BMPER: variants seen among roughly 807,000 people sequenced by gnomAD.
The protein encoded by BMPER is BMP-binding endothelial regulator protein.
In BMPER, 45 loss-of-function variants were observed where a neutral mutation model predicts 87.3. The observed-to-expected ratio is 0.52, with a 90% CI of 0.41 to 0.66. The LOEUF (loss-of-function observed/expected upper bound fraction) is 0.66, where lower values mean the gene tolerates loss of function less well. Among genes scored for constraint, BMPER ranks in the 30% least tolerant of loss-of-function variants. The probability of loss-of-function intolerance (pLI) is 0.00; values close to 1 mark genes in which losing one functional copy is unlikely to be tolerated. For synonymous variants in BMPER, 326 were observed against 316.2 expected (o/e 1.03, Z -0.33); for missense variants, 784 against 867.5 (o/e 0.90, Z 1.21).
chr7:33,960,412 T>C (rs1785239286), intron 3 of BMPER, among the ~76,000 whole-genome samples: 1 of 152,064 alleles, frequency 6.6e-6, no homozygotes, highest in Admixed American at 6.5e-5. Context: ...TTAAAAAAAT[T>C]GTATTGGGCT....
At chr7:34,070,476 TC>T (rs1237171264) in intron 11 of BMPER, among the ~76,000 whole-genome samples, 6 of 152,174 alleles carry the variant, frequency 3.9e-5, no homozygotes, top group African/African-American at 1.4e-4. Flanking sequence ...AGCCGGACAC[TC>T]ATCCTATTGC....
At chr7:34,019,276 C>T (rs1175276195) in intron 6 of BMPER, among the ~76,000 whole-genome samples, 1 of 151,912 alleles carries the variant, frequency 6.6e-6, no homozygotes, top group Non-Finnish European at 1.5e-5. Flanking sequence ...TAAATCACAC[C>T]ATACAGACAG....
intron 13 of BMPER, among the ~76,000 whole-genome samples, chr7:34,119,834 A>AG (rs1458923907): frequency 4.6e-5 from 7 of 152,200 alleles, no homozygotes; most frequent in African/African-American, 1.7e-4. Context: ...GTGCTTTGCA[A>AG]GGGGAATACC....
intron 3 of BMPER, among the ~76,000 whole-genome samples, chr7:33,961,694 T>C (rs1785275296): frequency 6.6e-6 from 1 of 152,156 alleles, no homozygotes; most frequent in Non-Finnish European, 1.5e-5. Flanking sequence ...TGTCTTTTGC[T>C]TGGGCCCTTA....
chr7:33,999,219 G>A (rs1414404202), intron 6 of BMPER, among the ~76,000 whole-genome samples: 1 of 152,176 alleles, frequency 6.6e-6, no homozygotes, highest in Non-Finnish European at 1.5e-5. Context: ...CACTTTACCT[G>A]CCTGGGCACT....
At chr7:34,090,847 C>T (rs1249034784) in intron 13 of BMPER, among the ~76,000 whole-genome samples, 1 of 152,206 alleles carries the variant, frequency 6.6e-6, no homozygotes, top group African/African-American at 2.4e-5. Context: ...TTCCTCTCTG[C>T]ACTCTCCTTG....
chr7:34,010,535 C>T (rs1317051570), intron 6 of BMPER, among the ~76,000 whole-genome samples: 1 of 151,896 alleles, frequency 6.6e-6, no homozygotes. Context: ...CTCTTTGAAT[C>T]ATCAAATGTG....
At position 34,064,072 on chromosome 7, in the gene BMPER, C is replaced by G. The variant is rs148169260; in HGVS notation, c.1078+2025C>G. Among the ~76,000 whole-genome samples the G allele has an allele frequency of 3.3e-3, 499 of 152,364 alleles. 2 individuals are homozygous for G. Among genetic ancestry groups the G allele is most frequent in the African/African-American group, 0.011 (468 of 41,588 alleles). On this transcript the variant is annotated intron_variant, in intron 11 of 14. Coordinates refer to ENST00000649409, the MANE Select transcript of BMPER (RefSeq NM_001365308.1). The stretch of plus-strand genomic sequence containing the variant: ...TCGGGAGGCCGAGGAGGGCAGATCA[C>G]TTGAGGGCAGGAGTTTGAGACCAGC...
At chr7:34,146,197 T>G (rs1205206714) in intron 14 of BMPER, among the ~76,000 whole-genome samples, 2 of 152,110 alleles carry the variant, frequency 1.3e-5, no homozygotes, top group Non-Finnish European at 2.9e-5. Context: ...AAAGCCCTCT[T>G]TACTTGTTTT....
chr7:33,922,819 TA>T (rs1449449950), intron 2 of BMPER, among the ~76,000 whole-genome samples: 2 of 152,074 alleles, frequency 1.3e-5, no homozygotes, highest in Non-Finnish European at 2.9e-5. Context: ...GGTTAGTAAA[TA>T]TTTTTTTTTT....
chr7:33,929,101 G>T (rs1015844890), intron 2 of BMPER, among the ~76,000 whole-genome samples: 1 of 152,154 alleles, frequency 6.6e-6, no homozygotes, highest in Admixed American at 6.5e-5. Context: ...GGCTTCAAGG[G>T]CAGCTTTGTT....
rs115110632 is a variant in BMPER, at chr7:34,081,851, A to G, written c.1408+2665A>G. ...ATCAATTTGTAAACCTCACTATGGT[A>G]TAGCTACAAATTTTGCACCTCCTCT... On this transcript the variant is annotated intron_variant, in intron 12 of 14. Transcript: ENST00000649409. 8.2e-3 allele frequency among the ~76,000 whole-genome samples: 1,242 copies of G among 152,298 alleles called. 11 individuals are homozygous for G. Among genetic ancestry groups the G allele is most frequent in the African/African-American group, 0.027 (1,111 of 41,556 alleles).
intron 6 of BMPER, among the ~76,000 whole-genome samples, chr7:33,988,607 T>G (rs1437749512): frequency 6.6e-6 from 1 of 151,790 alleles, no homozygotes; most frequent in South Asian, 2.1e-4. Flanking sequence ...GTATTTTTAT[T>G]TTTTTTTAAT....
intron 6 of BMPER, among the ~76,000 whole-genome samples, chr7:34,007,029 G>T (rs1786753019): frequency 2.6e-5 from 4 of 152,082 alleles, no homozygotes; most frequent in Admixed American, 2.6e-4. Context: ...GCTTAGGTTA[G>T]AATTCAGTGA....
At chr7:33,989,701 C>T (rs1472787732) in intron 6 of BMPER, among the ~76,000 whole-genome samples, 1 of 152,146 alleles carries the variant, frequency 6.6e-6, no homozygotes, top group East Asian at 1.9e-4. Flanking sequence ...ATGCCTGTGT[C>T]CTGAATGGTA....
intron 6 of BMPER, among the ~76,000 whole-genome samples, chr7:33,990,735 T>G (rs1354398510): frequency 7.7e-6 from 1 of 130,544 alleles, no homozygotes; most frequent in African/African-American, 2.9e-5. Flanking sequence ...CCATTCAGTA[T>G]GATATTGGCT....
chr7:34,048,968 G>A (rs1318199414), intron 7 of BMPER, among the ~76,000 whole-genome samples: 1 of 152,142 alleles, frequency 6.6e-6, no homozygotes, highest in Non-Finnish European at 1.5e-5. Flanking sequence ...AAGAAACAGA[G>A]ACAAAAAAGC....
intron 13 of BMPER, among the ~76,000 whole-genome samples, chr7:34,092,378 C>T (rs974258434): frequency 1.7e-4 from 26 of 152,136 alleles, no homozygotes; most frequent in Admixed American, 3.9e-4. Context: ...TTGGGCTTGT[C>T]GTCTTCTTAT....
At chr7:33,966,276 G>A (rs1785403651) in intron 3 of BMPER, among the ~76,000 whole-genome samples, 1 of 152,182 alleles carries the variant, frequency 6.6e-6, no homozygotes, top group African/African-American at 2.4e-5. Context: ...AATCTTCTCA[G>A]TAGTCAATGA....
Sources: gnomAD v4.1 joint callset for allele counts (sites outside exome capture counted in the v4.1 genomes callset) on GRCh38, gnomAD v4.1.1 for gene constraint, MANE v1.5 for transcripts, NCBI Gene and HGNC (gene_info 2026-07-23, HGNC 2026-07-21) for gene names.